The following EIF4G3 variants were observed in gnomAD, a reference collection of about 807,000 sequenced individuals.
EIF4G3 encodes eukaryotic translation initiation factor 4 gamma 3.
In EIF4G3, 34 loss-of-function variants were observed where a neutral mutation model predicts 186.4. The ratio of observed to expected loss-of-function variants is 0.18; its 90% CI spans 0.14 to 0.24. The LOEUF (loss-of-function observed/expected upper bound fraction) is 0.24. Among genes scored for constraint, EIF4G3 ranks in the 10% least tolerant of loss-of-function variants. EIF4G3 has a pLI of 1.00. For missense variants in EIF4G3, 1,536 were observed against 1,948.5 expected, an observed-to-expected ratio of 0.79 and a Z score of 3.99; for synonymous variants, 673 against 679.5, an observed-to-expected ratio of 0.99 and a Z score of 0.15.
At chr1:21,002,911 T>A (rs2083904456) in intron 4 of EIF4G3, 103 bp from the exon 5 acceptor site, 4 of 606,264 alleles carry the variant, frequency 6.6e-6, no homozygotes, top group Non-Finnish European at 1.1e-5. Flanking sequence ...GTTATTAATG[T>A]GGTTTATATT....
At chr1:20,951,815 T>A (rs1045712063) in intron 12 of EIF4G3, among the ~76,000 whole-genome samples, 1 of 152,038 alleles carries the variant, frequency 6.6e-6, no homozygotes, top group South Asian at 2.1e-4. Context: ...AAAAGTAAGA[T>A]GTTTAAGACA....
chr1:21,022,789 C>A (rs943491627), intron 4 of EIF4G3, among the ~76,000 whole-genome samples: 1 of 152,216 alleles, frequency 6.6e-6, no homozygotes, highest in Non-Finnish European at 1.5e-5. Flanking sequence ...AGTTGACCTA[C>A]AGGTGGAAGT....
intron 4 of EIF4G3, among the ~76,000 whole-genome samples, chr1:21,048,908 T>A (rs1484901791): frequency 1.3e-5 from 2 of 152,132 alleles, no homozygotes; most frequent in Non-Finnish European, 2.9e-5. Flanking sequence ...AGGCAACATA[T>A]ATACTACATC....
At chr1:20,869,818 G>T (rs2154552866) in intron 20 of EIF4G3, among the ~76,000 whole-genome samples, 2 of 148,994 alleles carry the variant, frequency 1.3e-5, no homozygotes, top group South Asian at 2.2e-4. Context: ...CAGCAATATG[G>T]TAATTAAAAA....
intron 2 of EIF4G3, among the ~76,000 whole-genome samples, chr1:21,173,299 C>T (rs1013231374): frequency 6.5e-4 from 98 of 151,882 alleles, no homozygotes; most frequent in Admixed American, 2.1e-3. Flanking sequence ...TGGGTTCAAG[C>T]GATTCTCCTG....
intron 30 of EIF4G3, among the ~76,000 whole-genome samples, chr1:20,834,175 G>A (rs1477902192): frequency 3.3e-5 from 5 of 152,142 alleles, no homozygotes; most frequent in Non-Finnish European, 4.4e-5. Flanking sequence ...CCGGCCAGGC[G>A]CAATGGCTCA....
chr1:21,071,423 C>A (rs1352642474), intron 3 of EIF4G3, among the ~76,000 whole-genome samples: 2 of 152,112 alleles, frequency 1.3e-5, no homozygotes, highest in Non-Finnish European at 2.9e-5. Context: ...CTCCAAAAAA[C>A]CAAAGAGAAA....
intron 12 of EIF4G3, among the ~76,000 whole-genome samples, chr1:20,955,293 G>A (rs2096378591): frequency 1.3e-5 from 2 of 151,810 alleles, no homozygotes; most frequent in Admixed American, 1.3e-4. Flanking sequence ...GTGCAGTGGT[G>A]CAATCACAGC....
intron 17 of EIF4G3, among the ~76,000 whole-genome samples, chr1:20,894,227 G>C (rs1325678550): frequency 6.6e-6 from 1 of 152,196 alleles, no homozygotes; most frequent in African/African-American, 2.4e-5. Flanking sequence ...AAGTTAAGCA[G>C]ATCAGTGAGA....
intron 29 of EIF4G3, among the ~76,000 whole-genome samples, chr1:20,847,381 T>C (rs911591149): frequency 6.6e-6 from 1 of 152,178 alleles, no homozygotes; most frequent in African/African-American, 2.4e-5. Context: ...GCCCCTTCTG[T>C]ATTGCAAGCC....
intron 35 of EIF4G3, among the ~76,000 whole-genome samples, chr1:20,811,337 T>C (rs1003032333): frequency 6.6e-6 from 1 of 152,192 alleles, no homozygotes; most frequent in African/African-American, 2.4e-5. Context: ...GGTCTTGAAC[T>C]CTTGGGCTCA....
At chr1:20,862,451 C>CGTT in intron 22 of EIF4G3, 119 bp from the exon 23 acceptor site, 1 of 617,500 alleles carries the variant, frequency 1.6e-6, no homozygotes, top group Admixed American at 3.4e-5. Flanking sequence ...GGTTTCACTC[C>CGTT]GTTGCCCAGG....
chr1:20,932,765 A>G lies in EIF4G3; in HGVS notation c.1663+8726T>C, dbSNP rs995666052. Among the ~76,000 whole-genome samples, 12 of 152,182 alleles carry G rather than the reference A, an allele frequency of 7.9e-5. 1 individual carries two copies. The highest frequency in any genetic ancestry group is 5.9e-4 in the Admixed American group (9 of 15,278). ...CAAAGATCACTGATCACAGATCACT[A>G]TAACACCTATAATAATGAAAGGTCT... is the stretch of plus-strand genomic sequence containing the variant. On this transcript the variant is annotated intron_variant, in intron 14 of 36. Transcript: ENST00000602326.
In EIF4G3 at chr1:20,810,829, G is replaced by C; in HGVS notation, c.4653C>G (p.Ile1551Met). The change falls in exon 36 of 37, where the codon ATC becomes ATG. Residue 1551 changes from isoleucine to methionine, a missense_variant. Around this residue, in one of 11 missense-constraint regions of EIF4G3, gnomAD observed 395 missense variants for 498.9 expected, o/e 0.79. Coordinates refer to ENST00000602326, the MANE Select transcript of EIF4G3 (RefSeq NM_001391906.1). The surrounding 1 kb of genome is among the most constrained non-coding windows in gnomAD (Gnocchi z 4.1). ...DTAVIKQRVP[I>M]LLKYLDSDTE... ...TATCTGAGTCTAGGTACTTGAGTAA[G>C]ATCGGCACTCTCTGCTTGATAACAG... 6.2e-7 allele frequency: 1 copy of C among 1,614,142 alleles called. No individual in the cohort carries two copies. Among genetic ancestry groups the C allele is most frequent in the South Asian group, 1.1e-5 (1 of 91,084 alleles).
chr1:20,978,108 A>G (rs2077213160), intron 10 of EIF4G3, among the ~76,000 whole-genome samples: 2 of 152,208 alleles, frequency 1.3e-5, no homozygotes. Flanking sequence ...TATTTAAAAA[A>G]TTCTAGATAG....
intron 20 of EIF4G3, among the ~76,000 whole-genome samples, chr1:20,877,006 T>G (rs576448961): frequency 1.3e-5 from 2 of 152,132 alleles, no homozygotes; most frequent in African/African-American, 4.8e-5. Context: ...AATAAAACAA[T>G]CCAATAAAGT....
chr1:20,985,267 A>G (rs1482572254), intron 7 of EIF4G3, among the ~76,000 whole-genome samples: 5 of 152,162 alleles, frequency 3.3e-5, no homozygotes, highest in Non-Finnish European at 5.9e-5. Context: ...CACGAAAACA[A>G]ATTTCTTCTA....
In EIF4G3 at chr1:21,103,186, T is replaced by G. The variant is rs1572592256; in HGVS notation, c.-271-13973A>C. On this transcript the variant is annotated intron_variant, in intron 2 of 36. Transcript: ENST00000602326. The stretch of plus-strand genomic sequence containing the variant: ...AATAACAGACTGAAAAATTGCAGTC[T>G]GGTAACCCAGTCCATCTGGTCAGCT... 2.0e-5 allele frequency among the ~76,000 whole-genome samples: 3 copies of G among 152,314 alleles called. No individual in the cohort carries two copies. In the East Asian group the frequency reaches 5.8e-4, roughly 29 times the overall value.
At chr1:21,130,143 G>A (rs1458956182) in intron 2 of EIF4G3, among the ~76,000 whole-genome samples, 1 of 151,932 alleles carries the variant, frequency 6.6e-6, no homozygotes, top group South Asian at 2.1e-4. Flanking sequence ...CAGCACTTTG[G>A]GAGGACAAGG....
Sources: allele counts gnomAD v4.1 joint callset (sites outside exome capture counted in the v4.1 genomes callset), GRCh38; gene constraint gnomAD v4.1.1; regional missense constraint gnomAD v4.1.1; non-coding constraint Gnocchi (gnomAD v3.1); transcripts MANE v1.5; gene names NCBI Gene and HGNC (gene_info 2026-07-23, HGNC 2026-07-21).